Variants in CLVS1 observed in about 807,000 individuals in gnomAD.
CLVS1 encodes clavesin-1.
CLVS1 carries 10 observed loss-of-function variants against 33.1 expected under a neutral mutation model. That is an observed-to-expected ratio of 0.30 (90% CI 0.19 to 0.51). The LOEUF (loss-of-function observed/expected upper bound fraction) is 0.51, where lower values mean the gene tolerates loss of function less well. Ranked by LOEUF, CLVS1 falls within the 20% of genes least tolerant of loss-of-function variation. CLVS1 has a pLI of 0.97. For synonymous variants in CLVS1, 163 were observed against 166.1 expected, an observed-to-expected ratio of 0.98 and a Z score of 0.14; for missense variants, 343 against 433.4, an observed-to-expected ratio of 0.79 and a Z score of 1.85.
intron 2 of CLVS1, among the ~76,000 whole-genome samples, chr8:61,184,231 G>A (rs542963320): frequency 1.3e-5 from 2 of 152,298 alleles, no homozygotes; most frequent in South Asian, 2.1e-4. Flanking sequence ...CATGGAGAGC[G>A]GGGAGTCAGG....
chr8:61,346,648 C>CT (rs1159134104), intron 2 of CLVS1, among the ~76,000 whole-genome samples: 2 of 152,108 alleles, frequency 1.3e-5, no homozygotes, highest in Non-Finnish European at 2.9e-5. Context: ...CTAGTTTTGA[C>CT]TTTTTTCCCC....
intron 3 of CLVS1, among the ~76,000 whole-genome samples, chr8:61,438,342 T>C (rs982300344): frequency 6.6e-5 from 10 of 152,214 alleles, no homozygotes; most frequent in African/African-American, 2.2e-4. Context: ...TCCATGTCCC[T>C]GCAAAGGACA....
chr8:61,084,439 T>G (rs959337148), intron 1 of CLVS1, among the ~76,000 whole-genome samples: 1 of 152,198 alleles, frequency 6.6e-6, no homozygotes, highest in African/African-American at 2.4e-5. Context: ...GGCAATATTT[T>G]TGATTGTCAC....
At chr8:61,012,024 T>A in the CLVS1 span, among the ~76,000 whole-genome samples, 66 of 152,192 alleles carry the variant, frequency 4.3e-4, no homozygotes, top group African/African-American at 1.5e-3. Flanking sequence ...GCACACCTTT[T>A]AGCCAAGGGA....
At chr8:60,991,155 A>C in the CLVS1 span, among the ~76,000 whole-genome samples, 1 of 152,190 alleles carries the variant, frequency 6.6e-6, no homozygotes, top group African/African-American at 2.4e-5. Context: ...AACAATAATA[A>C]TACTACTACA....
chr8:61,153,610 G>C (rs2003204), intron 2 of CLVS1, among the ~76,000 whole-genome samples: 2 of 151,950 alleles, frequency 1.3e-5, no homozygotes, highest in Non-Finnish European at 2.9e-5. Context: ...TTTGTGCCAC[G>C]GTCGGGGAGC....
chr8:61,121,018 C>T (rs1388157309), intron 1 of CLVS1, among the ~76,000 whole-genome samples: 2 of 151,580 alleles, frequency 1.3e-5, no homozygotes, highest in African/African-American at 2.4e-5. Context: ...TGCTAGCAAT[C>T]AGCGAGACTC....
intron 1 of CLVS1, among the ~76,000 whole-genome samples, chr8:61,064,422 A>G (rs1380656587): frequency 6.6e-6 from 1 of 151,930 alleles, no homozygotes; most frequent in Admixed American, 6.6e-5. Context: ...GTAGCATTTC[A>G]TTGAGGTTTT....
At chr8:61,466,201 CA>C (rs1817543301) in intron 5 of CLVS1, among the ~76,000 whole-genome samples, 1 of 152,150 alleles carries the variant, frequency 6.6e-6, no homozygotes, top group Admixed American at 6.5e-5. Context: ...GAAGAAAACC[CA>C]AATGAACTGC....
At chr8:61,127,190 C>G (rs909107823) in intron 1 of CLVS1, among the ~76,000 whole-genome samples, 4 of 151,100 alleles carry the variant, frequency 2.6e-5, no homozygotes, top group Non-Finnish European at 5.9e-5. Flanking sequence ...CTCAGAATTG[C>G]TTCTTGGCCT....
the CLVS1 span, among the ~76,000 whole-genome samples, chr8:61,016,057 C>T: frequency 6.6e-6 from 1 of 152,214 alleles, no homozygotes; most frequent in Non-Finnish European, 1.5e-5. Context: ...GACATAGTGA[C>T]ACCTTTGCTT....
At chr8:61,480,436 G>T (rs902779657) in intron 5 of CLVS1, among the ~76,000 whole-genome samples, 1 of 152,206 alleles carries the variant, frequency 6.6e-6, no homozygotes, top group Non-Finnish European at 1.5e-5. Context: ...TTGGAAAAGC[G>T]CAGTATTAGG....
the CLVS1 span, among the ~76,000 whole-genome samples, chr8:61,001,247 G>C: frequency 6.6e-6 from 1 of 152,016 alleles, no homozygotes; most frequent in Non-Finnish European, 1.5e-5. Context: ...TCAGCCTTCC[G>C]AGTAGCTGGG....
intron 2 of CLVS1, among the ~76,000 whole-genome samples, chr8:61,146,624 C>G (rs1806422925): frequency 6.6e-6 from 1 of 152,214 alleles, no homozygotes. Flanking sequence ...AAAACTGTTC[C>G]TGATGGATCA....
intron 2 of CLVS1, among the ~76,000 whole-genome samples, chr8:61,374,948 A>G (rs1235976243): frequency 2.0e-5 from 3 of 152,154 alleles, no homozygotes; most frequent in African/African-American, 7.2e-5. Context: ...ATGGGCTAAT[A>G]TCTTTATTTT....
the CLVS1 span, among the ~76,000 whole-genome samples, chr8:61,024,700 C>T: frequency 6.6e-6 from 1 of 152,056 alleles, no homozygotes; most frequent in Non-Finnish European, 1.5e-5. Context: ...TTTTTGCTTT[C>T]CCAGGAGGAC....
intron 2 of CLVS1, among the ~76,000 whole-genome samples, chr8:61,144,811 C>T (rs185586148): frequency 6.6e-6 from 1 of 152,260 alleles, no homozygotes; most frequent in East Asian, 1.9e-4. Flanking sequence ...GACCAATAAT[C>T]CTCCGCTTCC....
intron 1 of CLVS1, among the ~76,000 whole-genome samples, chr8:61,289,206 AT>A (rs1809885794): frequency 6.6e-6 from 1 of 152,236 alleles, no homozygotes. Flanking sequence ...TGATAACACC[AT>A]TTTCCTATAA....
At chr8:61,405,664 G>A (rs1814957124) in intron 3 of CLVS1, among the ~76,000 whole-genome samples, 2 of 142,418 alleles carry the variant, frequency 1.4e-5, no homozygotes, top group Admixed American at 7.0e-5. Context: ...ATGTTACTGT[G>A]TTTTACTAAT....
Sources: gnomAD v4.1 joint callset for allele counts (sites outside exome capture counted in the v4.1 genomes callset) on GRCh38, gnomAD v4.1.1 for gene constraint, MANE v1.5 for transcripts, NCBI Gene and HGNC (gene_info 2026-07-23, HGNC 2026-07-21) for gene names.